ASAP1: variants seen among roughly 807,000 people sequenced by gnomAD.
ASAP1 encodes arf-GAP with SH3 domain, ANK repeat and PH domain-containing protein 1.
ASAP1 carries 43 observed loss-of-function variants against 145.2 expected under a neutral mutation model. The ratio of observed to expected loss-of-function variants is 0.30; its 90% CI spans 0.23 to 0.38. The LOEUF (loss-of-function observed/expected upper bound fraction) is 0.38. Among genes scored for constraint, ASAP1 ranks in the 10% least tolerant of loss-of-function variants. The pLI is 1.00. For synonymous variants in ASAP1, 546 were observed against 515.5 expected, an observed-to-expected ratio of 1.06 and a Z score of -0.80; for missense variants, 1,018 against 1,355.3, an observed-to-expected ratio of 0.75 and a Z score of 3.91.
At chr8:130,133,150 A>AT (rs2097585702) in intron 15 of ASAP1, among the ~76,000 whole-genome samples, 2 of 148,886 alleles carry the variant, frequency 1.3e-5, no homozygotes, top group East Asian at 2.0e-4. Context: ...ATTAGAAATA[A>AT]AAAAAAAAAA....
At chr8:130,405,493 G>A (rs556597092) in intron 1 of ASAP1, among the ~76,000 whole-genome samples, 4 of 152,296 alleles carry the variant, frequency 2.6e-5, no homozygotes, top group East Asian at 3.9e-4. Flanking sequence ...AGAGGCTGCT[G>A]GGGTCGGGGG....
intron 5 of ASAP1, among the ~76,000 whole-genome samples, chr8:130,192,710 T>C (rs778218417): frequency 1.3e-5 from 2 of 152,208 alleles, no homozygotes; most frequent in Non-Finnish European, 2.9e-5. Flanking sequence ...TTTGTATATA[T>C]GTTTGTTTCC....
chr8:130,126,344 A>G (rs1007899044), intron 16 of ASAP1, among the ~76,000 whole-genome samples: 1 of 152,190 alleles, frequency 6.6e-6, no homozygotes, highest in African/African-American at 2.4e-5. Flanking sequence ...ACCCTATGCA[A>G]CACCTCTAGG....
intron 27 of ASAP1, among the ~76,000 whole-genome samples, chr8:130,064,019 T>C (rs16904197): frequency 0.17 from 25,377 of 152,058 alleles, 2,599 homozygotes; most frequent in East Asian, 0.44. Flanking sequence ...GGAAGGCCAC[T>C]CTGATATGGC....
At chr8:130,311,972 AGCCTAGAACAT>A (rs1823384395) in intron 3 of ASAP1, among the ~76,000 whole-genome samples, 1 of 152,188 alleles carries the variant, frequency 6.6e-6, no homozygotes, top group African/African-American at 2.4e-5. Context: ...ATCCGAATTC[AGCCTAGAACAT>A]GTAGGTGCAA....
At chr8:130,250,825 G>A (rs1445603262) in intron 3 of ASAP1, among the ~76,000 whole-genome samples, 2 of 152,110 alleles carry the variant, frequency 1.3e-5, no homozygotes, top group Non-Finnish European at 2.9e-5. Context: ...AACTGTTTCT[G>A]AGAGATGCTG....
intron 3 of ASAP1, among the ~76,000 whole-genome samples, chr8:130,340,152 G>A (rs1825285116): frequency 6.6e-6 from 1 of 152,114 alleles, no homozygotes; most frequent in African/African-American, 2.4e-5. Flanking sequence ...TGAAGAAAAG[G>A]CTGAAAGGAC....
intron 4 of ASAP1, among the ~76,000 whole-genome samples, chr8:130,235,701 A>T (rs113538133): frequency 3.8e-4 from 58 of 152,290 alleles, no homozygotes; most frequent in African/African-American, 1.4e-3. Context: ...CAGGGTGCAA[A>T]ATGTGTTAAC....
chr8:130,264,221 C>T (rs902555829), intron 3 of ASAP1, among the ~76,000 whole-genome samples: 4 of 152,158 alleles, frequency 2.6e-5, no homozygotes, highest in Non-Finnish European at 5.9e-5. Context: ...AGCTAAACAA[C>T]GGAGGCTCCT....
At chr8:130,129,150 G>A (rs1325312521) in intron 15 of ASAP1, among the ~76,000 whole-genome samples, 1 of 152,162 alleles carries the variant, frequency 6.6e-6, no homozygotes, top group Non-Finnish European at 1.5e-5. Flanking sequence ...AGACATGTTT[G>A]CTGCCCTTCC....
intron 3 of ASAP1, among the ~76,000 whole-genome samples, chr8:130,260,861 T>C (rs1460383375): frequency 6.6e-6 from 1 of 152,086 alleles, no homozygotes; most frequent in African/African-American, 2.4e-5. Flanking sequence ...GAGAAAGAAG[T>C]TTTATATTAA....
chr8:130,064,893 ATGTGTGTGTGTGTG>A (rs34905534), intron 27 of ASAP1, among the ~76,000 whole-genome samples: 4,562 of 142,636 alleles, frequency 0.032, 83 homozygotes, highest in African/African-American at 0.048. Flanking sequence ...TTTACTAAGA[ATGTGTGTGTGTGTG>A]TGTGTGTGTG....
chr8:130,277,343 T>A (rs1023624905), intron 3 of ASAP1, among the ~76,000 whole-genome samples: 2 of 152,074 alleles, frequency 1.3e-5, no homozygotes, highest in Non-Finnish European at 2.9e-5. Context: ...AAAACACCAA[T>A]AACTATAAGC....
chr8:130,374,849 C>A (rs1340291949), intron 2 of ASAP1, among the ~76,000 whole-genome samples: 1 of 152,188 alleles, frequency 6.6e-6, no homozygotes, highest in Non-Finnish European at 1.5e-5. Context: ...AATGATTTAT[C>A]CCTTAAGGAT....
Position 130,180,740 on chromosome 8 carries a change from T to C in ASAP1, c.660+11A>G. On this transcript the variant is annotated intron_variant, in intron 8 of 29. Transcript: ENST00000518721. ...TAATTCTAGGCAAATGGTGGAAAAG[T>C]CCATTCTTACTTCACACATTTGGAG... 2 of 1,600,820 alleles carry C rather than the reference T, an allele frequency of 1.2e-6. No homozygotes were observed. The highest frequency in any genetic ancestry group is 3.6e-5 in the Admixed American group (2 of 55,978).
intron 1 of ASAP1, among the ~76,000 whole-genome samples, chr8:130,409,789 A>G (rs1829187020): frequency 6.6e-6 from 1 of 152,254 alleles, no homozygotes; most frequent in Non-Finnish European, 1.5e-5. Context: ...CCCACAACCC[A>G]AAAGACCAGA....
chr8:130,303,229 G>A (rs937291399), intron 3 of ASAP1, among the ~76,000 whole-genome samples: 1 of 152,188 alleles, frequency 6.6e-6, no homozygotes, highest in African/African-American at 2.4e-5. Context: ...CCTTGCTCCT[G>A]GGGTTGCTGT....
At chr8:130,365,029 C>G (rs962951929) in intron 2 of ASAP1, among the ~76,000 whole-genome samples, 5 of 152,236 alleles carry the variant, frequency 3.3e-5, no homozygotes, top group African/African-American at 1.2e-4. Context: ...CCGCAAAGTC[C>G]CAGACTATCA....
intron 8 of ASAP1, 63 bp downstream of exon 8, chr8:130,180,688 A>G: frequency 6.4e-7 from 1 of 1,552,128 alleles, no homozygotes; most frequent in Non-Finnish European, 8.7e-7. Context: ...AAGACTGCTG[A>G]CTAGCAGGAA....
Sources: gnomAD v4.1 joint callset for allele counts (sites outside exome capture counted in the v4.1 genomes callset) on GRCh38, gnomAD v4.1.1 for gene constraint, MANE v1.5 for transcripts, NCBI Gene and HGNC (gene_info 2026-07-23, HGNC 2026-07-21) for gene names.